ORC4: variants seen among roughly 807,000 people sequenced by gnomAD.
ORC4 encodes origin recognition complex subunit 4.
In ORC4, 55 loss-of-function variants were observed where a neutral mutation model predicts 63.9. The observed-to-expected ratio is 0.86, with a 90% CI of 0.69 to 1.08. The LOEUF (loss-of-function observed/expected upper bound fraction) is 1.08. Ranked by LOEUF, ORC4 falls within the 50% of genes least tolerant of loss-of-function variation. ORC4 has a pLI of 0.00. For synonymous variants in ORC4, 150 were observed against 168.5 expected (o/e 0.89, Z 0.85); for missense variants, 511 against 504.4 (o/e 1.01, Z -0.13).
At chr2:148,000,230 T>C (rs942820069) in intron 1 of ORC4, among the ~76,000 whole-genome samples, 6 of 152,034 alleles carry the variant, frequency 3.9e-5, no homozygotes, top group African/African-American at 7.2e-5. Flanking sequence ...ATAAAATGCA[T>C]GGCAAAATGA....
chr2:147,972,930 C>T (rs980628906), intron 3 of ORC4, 101 bp from the exon 4 acceptor site: 1 of 742,058 alleles, frequency 1.3e-6, no homozygotes. Flanking sequence ...CAGAAATTTC[C>T]TCTCTTCTCT....
chr2:147,944,106 G>A (rs140039211), intron 9 of ORC4, among the ~76,000 whole-genome samples: 72 of 152,110 alleles, frequency 4.7e-4, no homozygotes, highest in African/African-American at 1.6e-3. Context: ...AAAGTGGGTC[G>A]GAATTATCTG....
At chr2:147,982,446 A>T (rs1200992602) in intron 1 of ORC4, among the ~76,000 whole-genome samples, 2 of 152,238 alleles carry the variant, frequency 1.3e-5, no homozygotes, top group Non-Finnish European at 1.5e-5. Flanking sequence ...GCTATCTTAC[A>T]GTATTGTTAG....
chr2:147,992,100 A>G (rs1174522865), intron 1 of ORC4, among the ~76,000 whole-genome samples: 3 of 152,338 alleles, frequency 2.0e-5, no homozygotes, highest in East Asian at 1.9e-4. Flanking sequence ...TGGCACTGAC[A>G]TAACTACATC....
At chr2:147,935,848 C>A in intron 13 of ORC4, 150 bp from the exon 14 acceptor site, 1 of 649,084 alleles carries the variant, frequency 1.5e-6, no homozygotes, top group Non-Finnish European at 2.7e-6. Flanking sequence ...ATTAAAAAAA[C>A]TCTCACAACC....
chr2:147,952,543 A>G lies in ORC4; in HGVS notation c.437-19T>C. 1 of 1,568,246 alleles carries G rather than the reference A, an allele frequency of 6.4e-7. No individual in the cohort carries two copies. The highest frequency in any genetic ancestry group is 8.8e-7 in the Non-Finnish European group (1 of 1,138,484). ...CGGTCACCTAAGATAAAATAAGAGC[A>G]TTACATTAATAAGAAATTATATCCA... On this transcript the variant is annotated intron_variant, in intron 7 of 13. Transcript: ENST00000392857.
At chr2:147,967,248 A>G (rs918244418) in intron 4 of ORC4, among the ~76,000 whole-genome samples, 8 of 152,072 alleles carry the variant, frequency 5.3e-5, no homozygotes, top group African/African-American at 1.9e-4. Context: ...GGAAAAACTA[A>G]AAGTTTCTCC....
At position 147,933,059 on chromosome 2, in the gene ORC4, T is replaced by C. The variant is rs1333705943; in HGVS notation, c.*2451A>G. Reference sequence around the variant, plus strand: ...ATTTTAACAAGAATTCCGTTTCTGCTGGGCCACTTGGATCCCTTGGATTCA... The same window carrying C: ...ATTTTAACAAGAATTCCGTTTCTGCCGGGCCACTTGGATCCCTTGGATTCA... On this transcript the variant is annotated 3_prime_UTR_variant, in exon 14 of 14. Coordinates refer to ENST00000392857, the MANE Select transcript of ORC4 (RefSeq NM_181741.4). 6.6e-6 allele frequency: 1 copy of C among 152,072 alleles called. No homozygotes were observed. The highest frequency in any genetic ancestry group is 1.9e-4 in the East Asian group (1 of 5,190). The allele number at this position is 152,072 out of a possible 1,614,324, so 9.4% of individuals were successfully genotyped here.
At chr2:147,949,435 G>A (rs1688834261) in intron 8 of ORC4, among the ~76,000 whole-genome samples, 4 of 152,264 alleles carry the variant, frequency 2.6e-5, no homozygotes, top group African/African-American at 9.6e-5. Flanking sequence ...GGAGGGAACA[G>A]GGGATTTGGG....
At chr2:148,007,114 C>T (rs1049947167) in intron 1 of ORC4, among the ~76,000 whole-genome samples, 2 of 152,192 alleles carry the variant, frequency 1.3e-5, no homozygotes, top group Non-Finnish European at 2.9e-5. Context: ...TAGGTCACAA[C>T]ACTCAATCTG....
intron 1 of ORC4, among the ~76,000 whole-genome samples, chr2:147,978,046 G>T (rs1690667475): frequency 6.6e-6 from 1 of 152,112 alleles, no homozygotes; most frequent in Non-Finnish European, 1.5e-5. Context: ...GGTGTTTCAG[G>T]GACTGATGAG....
At chr2:147,993,127 A>G (rs1269064541) in intron 1 of ORC4, among the ~76,000 whole-genome samples, 1 of 152,130 alleles carries the variant, frequency 6.6e-6, no homozygotes, top group Non-Finnish European at 1.5e-5. Flanking sequence ...GCTGAACCTA[A>G]GCATACCAAT....
intron 1 of ORC4, among the ~76,000 whole-genome samples, chr2:147,988,017 C>T (rs372669210): frequency 1.4e-5 from 2 of 147,488 alleles, no homozygotes. Context: ...AGAGCCACTG[C>T]ACTCCAGCCT....
intron 1 of ORC4, among the ~76,000 whole-genome samples, chr2:147,988,609 T>C (rs903245799): frequency 6.6e-6 from 1 of 152,094 alleles, no homozygotes; most frequent in Admixed American, 6.6e-5. Flanking sequence ...TCCACCCACC[T>C]TGGCCTCAGT....
chr2:147,973,131 T>C (rs1220430150), intron 3 of ORC4, among the ~76,000 whole-genome samples: 1 of 152,198 alleles, frequency 6.6e-6, no homozygotes, highest in African/African-American at 2.4e-5. Context: ...CAAATCTCTT[T>C]TCCTACTAAT....
At chr2:147,996,499 C>T (rs1691983966) in intron 1 of ORC4, among the ~76,000 whole-genome samples, 1 of 152,056 alleles carries the variant, frequency 6.6e-6, no homozygotes, top group Non-Finnish European at 1.5e-5. Flanking sequence ...AAAATTAAAA[C>T]ACAAAATACA....
At chr2:148,015,026 A>G (rs1693184228) in intron 1 of ORC4, among the ~76,000 whole-genome samples, 1 of 152,070 alleles carries the variant, frequency 6.6e-6, no homozygotes, top group African/African-American at 2.4e-5. Flanking sequence ...CATTGATCTA[A>G]TAATCTCGAT....
chr2:147,984,017 T>C (rs1036436462), intron 1 of ORC4, among the ~76,000 whole-genome samples: 1 of 152,220 alleles, frequency 6.6e-6, no homozygotes, highest in Non-Finnish European at 1.5e-5. Context: ...AAGACTACTC[T>C]TGACTTCTTT....
chr2:147,946,205 A>G (rs1383773723), intron 9 of ORC4, among the ~76,000 whole-genome samples: 1 of 152,050 alleles, frequency 6.6e-6, no homozygotes, highest in Non-Finnish European at 1.5e-5. Flanking sequence ...TCAGAATGCA[A>G]CACAGTTGGG....
Sources: allele counts gnomAD v4.1 joint callset (sites outside exome capture counted in the v4.1 genomes callset), GRCh38; gene constraint gnomAD v4.1.1; transcripts MANE v1.5; gene names NCBI Gene and HGNC (gene_info 2026-07-23, HGNC 2026-07-21).